The following DDX10 variants were observed in gnomAD, a reference collection of about 807,000 sequenced individuals.
The protein encoded by DDX10 is probable ATP-dependent RNA helicase DDX10.
A neutral mutation model predicts 104.3 loss-of-function variants in DDX10; 74 were observed. The ratio of observed to expected loss-of-function variants is 0.71; its 90% CI spans 0.59 to 0.86. DDX10 has a LOEUF of 0.86. Ranked by LOEUF, DDX10 falls within the 40% of genes least tolerant of loss-of-function variation. DDX10 has a pLI of 0.00. For missense variants in DDX10, 952 were observed against 1,040.0 expected (o/e 0.92, Z 1.16); for synonymous variants, 351 against 353.4 (o/e 0.99, Z 0.08).
At chr11:108,740,383 GC>G (rs922361269) in intron 13 of DDX10, among the ~76,000 whole-genome samples, 1 of 152,030 alleles carries the variant, frequency 6.6e-6, no homozygotes, top group African/African-American at 2.4e-5. Flanking sequence ...TATCCAGTCT[GC>G]CATTGATGAG....
intron 13 of DDX10, among the ~76,000 whole-genome samples, chr11:108,779,238 G>T (rs531744235): frequency 5.9e-5 from 9 of 152,122 alleles, no homozygotes; most frequent in Non-Finnish European, 1.3e-4. Context: ...ACATGCACAC[G>T]TATGTTTATT....
intron 6 of DDX10, among the ~76,000 whole-genome samples, chr11:108,680,180 T>C (rs1002421727): frequency 1.3e-5 from 2 of 152,222 alleles, no homozygotes; most frequent in East Asian, 3.8e-4. Context: ...TAAAAGTATG[T>C]ATGTTTGTGA....
chr11:108,851,665 G>A (rs1862794516), intron 15 of DDX10, among the ~76,000 whole-genome samples: 1 of 149,156 alleles, frequency 6.7e-6, no homozygotes, highest in Non-Finnish European at 1.5e-5. Context: ...ATTTTTATTA[G>A]AATGTATCGC....
At chr11:108,912,632 CT>C (rs1347847624) in intron 16 of DDX10, among the ~76,000 whole-genome samples, 2 of 152,174 alleles carry the variant, frequency 1.3e-5, no homozygotes, top group African/African-American at 4.8e-5. Context: ...GTCAGGCAAA[CT>C]TGTCTTCCAT....
At chr11:108,682,385 C>T (rs1024421940) in intron 6 of DDX10, among the ~76,000 whole-genome samples, 2 of 152,060 alleles carry the variant, frequency 1.3e-5, no homozygotes, top group African/African-American at 4.8e-5. Flanking sequence ...GATTACAGGC[C>T]TGAGCCATTG....
intron 16 of DDX10, among the ~76,000 whole-genome samples, chr11:108,874,796 GT>G (rs544039530): frequency 6.6e-6 from 1 of 151,112 alleles, no homozygotes; most frequent in Non-Finnish European, 1.5e-5. Context: ...AGCCAGACTT[GT>G]TTTTTTTTAA....
chr11:108,760,901 A>G (rs1244362190), intron 13 of DDX10, among the ~76,000 whole-genome samples: 1 of 152,012 alleles, frequency 6.6e-6, no homozygotes, highest in Non-Finnish European at 1.5e-5. Context: ...GTTCACTTAA[A>G]TCTTCACTGA....
At position 108,683,877 on chromosome 11, in the gene DDX10, T is replaced by TG. The variant is rs951884840; in HGVS notation, c.848+4323dup. On this transcript the variant is annotated intron_variant, in intron 6 of 17. Transcript: ENST00000322536. ...GAAGGTTAGCAGTATTTGTTTTTGG[T>TG]GGGGGGTGGAGGTTGTGTGTACTAA... is the stretch of plus-strand genomic sequence containing the variant. Among the ~76,000 whole-genome samples the TG allele has an allele frequency of 6.6e-5, 10 of 152,210 alleles. No individual in the cohort carries two copies. The South Asian group carries it at 1.0e-3, about 16-fold the overall frequency.
chr11:108,931,921 G>T (rs1410587231), intron 17 of DDX10, among the ~76,000 whole-genome samples: 1 of 151,918 alleles, frequency 6.6e-6, no homozygotes, highest in African/African-American at 2.4e-5. Context: ...AAGCAGTAAG[G>T]TTGGTCTGAT....
intron 10 of DDX10, among the ~76,000 whole-genome samples, chr11:108,708,829 A>G (rs2094280282): frequency 6.6e-6 from 1 of 152,022 alleles, no homozygotes; most frequent in Non-Finnish European, 1.5e-5. Context: ...TGGCCTCCCA[A>G]ATTTGTTCAT....
chr11:108,748,879 A>G (rs1470255585), intron 13 of DDX10, among the ~76,000 whole-genome samples: 1 of 151,902 alleles, frequency 6.6e-6, no homozygotes, highest in Admixed American at 6.6e-5. Flanking sequence ...ACTATTTTTA[A>G]ATTTTAAAAC....
intron 1 of DDX10, among the ~76,000 whole-genome samples, chr11:108,671,928 G>A (rs1476676739): frequency 1.3e-5 from 2 of 151,970 alleles, no homozygotes; most frequent in African/African-American, 4.8e-5. Context: ...GGGCGTGGTG[G>A]TGGGCGCCTG....
At chr11:108,895,057 A>G (rs899263409) in intron 16 of DDX10, among the ~76,000 whole-genome samples, 3 of 152,034 alleles carry the variant, frequency 2.0e-5, no homozygotes, top group African/African-American at 4.8e-5. Context: ...GCAACTTGTA[A>G]TTTAAGTTCA....
chr11:108,818,548 C>T (rs925259622), intron 13 of DDX10, among the ~76,000 whole-genome samples: 3 of 152,124 alleles, frequency 2.0e-5, no homozygotes, highest in Non-Finnish European at 4.4e-5. Context: ...CTGTTTACTT[C>T]ATTTGATTGA....
chr11:108,809,329 A>T (rs924863314), intron 13 of DDX10, among the ~76,000 whole-genome samples: 1 of 152,158 alleles, frequency 6.6e-6, no homozygotes, highest in African/African-American at 2.4e-5. Flanking sequence ...ATAAGGTAAT[A>T]AAGGGAATGT....
Position 108,688,968 on chromosome 11 carries a change from T to G in DDX10, c.881T>G (p.Val294Gly). The change falls in exon 7 of 18, where the codon GTC (valine) becomes GGC (glycine). Residue 294 changes from valine to glycine, a missense_variant. Val to Gly is a moderately radical substitution (Grantham distance 109). Transcript: ENST00000322536. ...GCCACTTTGGAACAGAACTACATAG[T>G]CTGTGAGCTGCAGCAAAAAATAAGT... ...TPATLEQNYI[V>G]CELQQKISVL... 6.2e-7 allele frequency: 1 copy of G among 1,614,082 alleles called. No individual in the cohort carries two copies. Among genetic ancestry groups the G allele is most frequent in the Non-Finnish European group, 8.5e-7 (1 of 1,180,004 alleles).
intron 13 of DDX10, among the ~76,000 whole-genome samples, chr11:108,735,754 T>G (rs1167509896): frequency 6.6e-6 from 1 of 151,874 alleles, no homozygotes; most frequent in Non-Finnish European, 1.5e-5. Flanking sequence ...TGAGCATATG[T>G]GTAAGCTGCC....
At chr11:108,803,295 A>G (rs760601498) in intron 13 of DDX10, among the ~76,000 whole-genome samples, 3 of 151,498 alleles carry the variant, frequency 2.0e-5, no homozygotes, top group Non-Finnish European at 2.9e-5. Context: ...GGAACCTTTA[A>G]GAATCTTTGT....
At chr11:108,717,069 C>A (rs12795663) in intron 11 of DDX10, among the ~76,000 whole-genome samples, 19,193 of 151,998 alleles carry the variant, frequency 0.13, 1,442 homozygotes, top group East Asian at 0.25. Flanking sequence ...CCTTTATTGC[C>A]ATTTATTGCA....
Sources: gnomAD v4.1 joint callset for allele counts (sites outside exome capture counted in the v4.1 genomes callset) on GRCh38, gnomAD v4.1.1 for gene constraint, MANE v1.5 for transcripts, NCBI Gene and HGNC (gene_info 2026-07-23, HGNC 2026-07-21) for gene names.